SPOCK1: variants seen among roughly 807,000 people sequenced by gnomAD.
SPOCK1 encodes the protein SPARC (osteonectin), cwcv and kazal like domains proteoglycan 1.
In SPOCK1, 23 loss-of-function variants were observed where a neutral mutation model predicts 55.3. That is an observed-to-expected ratio of 0.42 (90% confidence interval 0.30 to 0.59). The LOEUF is 0.59. Ranked by LOEUF, SPOCK1 falls within the 20% of genes least tolerant of loss-of-function variation. The probability of loss-of-function intolerance (pLI) is 0.22; values close to 1 mark genes in which losing one functional copy is unlikely to be tolerated. For synonymous variants in SPOCK1, 226 were observed against 221.0 expected (o/e 1.02, Z -0.20); for missense variants, 499 against 552.5 (o/e 0.90, Z 0.97).
At chr5:137,487,698 A>C (rs1247576342) in intron 2 of SPOCK1, among the ~76,000 whole-genome samples, 3 of 152,200 alleles carry the variant, frequency 2.0e-5, no homozygotes, top group African/African-American at 7.2e-5. Context: ...TGCTGAGATG[A>C]TCCCCTGGAA....
intron 2 of SPOCK1, among the ~76,000 whole-genome samples, chr5:137,314,097 T>C (rs1757835065): frequency 1.3e-5 from 2 of 151,812 alleles, no homozygotes; most frequent in Non-Finnish European, 2.9e-5. Flanking sequence ...TAGGCTTTCC[T>C]GCCCAGGGGC....
intron 3 of SPOCK1, among the ~76,000 whole-genome samples, chr5:137,195,814 G>A (rs1345879889): frequency 6.6e-6 from 1 of 152,226 alleles, no homozygotes; most frequent in Non-Finnish European, 1.5e-5. Context: ...ATCCCTCCAG[G>A]ATGGCTGGAA....
At chr5:137,415,440 G>C (rs1340996265) in intron 2 of SPOCK1, among the ~76,000 whole-genome samples, 1 of 152,210 alleles carries the variant, frequency 6.6e-6, no homozygotes, top group Admixed American at 6.5e-5. Flanking sequence ...AAGGTTGAGG[G>C]ACATGCACCC....
chr5:137,485,400 C>G (rs1007298398), intron 2 of SPOCK1, among the ~76,000 whole-genome samples: 4 of 152,210 alleles, frequency 2.6e-5, no homozygotes, highest in Non-Finnish European at 5.9e-5. Context: ...TAGGATTTCT[C>G]TTTTTAATTT....
intron 2 of SPOCK1, among the ~76,000 whole-genome samples, chr5:137,303,177 G>T (rs551348902): frequency 1.4e-4 from 21 of 152,084 alleles, no homozygotes; most frequent in Admixed American, 1.3e-3. Context: ...TTTTGAGTGG[G>T]GGTTCCTTTG....
chr5:137,256,475 T>A (rs1756635130), intron 3 of SPOCK1, among the ~76,000 whole-genome samples: 1 of 152,144 alleles, frequency 6.6e-6, no homozygotes, highest in African/African-American at 2.4e-5. Context: ...GGGGCAGGCA[T>A]CACATGGTGA....
At chr5:136,998,178 G>A (rs79700825) in intron 6 of SPOCK1, among the ~76,000 whole-genome samples, 9,075 of 152,190 alleles carry the variant, frequency 0.06, 373 homozygotes, top group Non-Finnish European at 0.09. Flanking sequence ...ATTGTTGTGC[G>A]TTTTTTAAGC....
chr5:137,162,091 T>C (rs1286836122), intron 3 of SPOCK1, among the ~76,000 whole-genome samples: 1 of 151,920 alleles, frequency 6.6e-6, no homozygotes, highest in African/African-American at 2.4e-5. Context: ...ATGCCCCTTA[T>C]CAATGTACCA....
intron 2 of SPOCK1, among the ~76,000 whole-genome samples, chr5:137,406,604 A>T (rs983116830): frequency 2.0e-5 from 3 of 152,214 alleles, no homozygotes; most frequent in African/African-American, 7.2e-5. Context: ...ACTAGAGAAG[A>T]ATACTGACTA....
At chr5:137,328,000 C>T (rs933178663) in intron 2 of SPOCK1, among the ~76,000 whole-genome samples, 27 of 152,242 alleles carry the variant, frequency 1.8e-4, no homozygotes, top group African/African-American at 6.3e-4. Flanking sequence ...CCATGGTCCA[C>T]GCCCACCTGT....
At chr5:137,452,820 G>A (rs1446655016) in intron 2 of SPOCK1, among the ~76,000 whole-genome samples, 2 of 152,146 alleles carry the variant, frequency 1.3e-5, no homozygotes, top group African/African-American at 4.8e-5. Context: ...AGCTCTATGA[G>A]GGCCCAGATG....
chr5:136,988,408 C>G lies in SPOCK1; in HGVS notation c.928+14G>C. 1 of 1,610,892 alleles carries G rather than the reference C, an allele frequency of 6.2e-7. No homozygotes were observed. The highest frequency in any genetic ancestry group is 1.3e-5 in the African/African-American group (1 of 75,014). On this transcript the variant is annotated intron_variant, in intron 8 of 10. Transcript: ENST00000394945. ...GCCCTGGGCTAGGGACCCCAACCCT[C>G]CATCCCACCTTACCTCCAGGCTTCT...
chr5:137,231,194 G>A (rs2117401), intron 3 of SPOCK1, among the ~76,000 whole-genome samples: 59,985 of 151,874 alleles, frequency 0.39, 12,914 homozygotes, highest in Non-Finnish European at 0.47. Flanking sequence ...ATAGGCATGC[G>A]CCACCACAAC....
At position 137,473,490 on chromosome 5, in the gene SPOCK1, C is replaced by T. The variant is rs912821076; in HGVS notation, c.186+24883G>A. ...TACTAGAAATGGTTCCCACAGTGGG[C>T]AGGATAAACAGGGTGGGAAGGACAG... On this transcript the variant is annotated intron_variant, in intron 2 of 10. Transcript: ENST00000394945. 2.0e-5 allele frequency among the ~76,000 whole-genome samples: 3 copies of T among 152,204 alleles called. No individual in the cohort carries two copies. The East Asian group carries it at 5.8e-4, about 29-fold the overall frequency.
intron 4 of SPOCK1, among the ~76,000 whole-genome samples, chr5:137,121,052 T>C (rs1753673635): frequency 6.6e-6 from 1 of 152,220 alleles, no homozygotes; most frequent in South Asian, 2.1e-4. Flanking sequence ...GCTGAAGGTA[T>C]AAACATTCCA....
chr5:137,245,776 C>CAAAAAAAAAAAAAAAAAAAAAAA (rs143599362), intron 3 of SPOCK1, among the ~76,000 whole-genome samples: 1 of 140,870 alleles, frequency 7.1e-6, no homozygotes, highest in Non-Finnish European at 1.6e-5. Context: ...CAAAACAAAA[C>CAAAAAAAAAAAAAAAAAAAAAAA]AAAAAAAAAA....
intron 3 of SPOCK1, among the ~76,000 whole-genome samples, chr5:137,150,109 A>C (rs1001382212): frequency 6.6e-6 from 1 of 152,178 alleles, no homozygotes; most frequent in African/African-American, 2.4e-5. Flanking sequence ...CACTTCAGAA[A>C]CACAAGATCC....
chr5:137,245,675 C>T (rs1756379374), intron 3 of SPOCK1, among the ~76,000 whole-genome samples: 1 of 151,274 alleles, frequency 6.6e-6, no homozygotes, highest in South Asian at 2.1e-4. Flanking sequence ...TCCACAACCT[C>T]AAGTCTCAAG....
intron 2 of SPOCK1, among the ~76,000 whole-genome samples, chr5:137,278,409 A>G (rs975990471): frequency 1.2e-4 from 18 of 152,228 alleles, no homozygotes; most frequent in African/African-American, 4.3e-4. Flanking sequence ...AGAGTAGGCA[A>G]GCCTACCACA....
Sources: gnomAD v4.1 joint callset for allele counts (sites outside exome capture counted in the v4.1 genomes callset) on GRCh38, gnomAD v4.1.1 for gene constraint, MANE v1.5 for transcripts, NCBI Gene and HGNC (gene_info 2026-07-23, HGNC 2026-07-21) for gene names.